Variants in GAS6 observed in about 807,000 individuals in gnomAD.
The protein encoded by GAS6 is growth arrest specific 6.
A neutral mutation model predicts 75.8 loss-of-function variants in GAS6; 41 were observed. The observed-to-expected ratio is 0.54, with a 90% CI of 0.42 to 0.70. The LOEUF (loss-of-function observed/expected upper bound fraction) is 0.70, where lower values mean the gene tolerates loss of function less well. Among genes scored for constraint, GAS6 ranks in the 30% least tolerant of loss-of-function variants. The pLI, the probability that GAS6 is intolerant of heterozygous loss-of-function variation, is 0.00. For synonymous variants in GAS6, 432 were observed against 412.6 expected, an observed-to-expected ratio of 1.05 and a Z score of -0.57; for missense variants, 854 against 940.2, an observed-to-expected ratio of 0.91 and a Z score of 1.20.
intron 3 of GAS6, chr13:113,846,847 AG>A: frequency 1.9e-6 from 1 of 531,324 alleles, no homozygotes; most frequent in Non-Finnish European, 3.5e-6. Context: ...CGCCGTTTCG[AG>A]GGGGCTCCTC....
intron 12 of GAS6, among the ~76,000 whole-genome samples, chr13:113,826,097 G>C (rs1594189461): frequency 6.6e-6 from 1 of 152,178 alleles, no homozygotes; most frequent in African/African-American, 2.4e-5. Context: ...TATCCTCACA[G>C]CAGCACCCCC....
At position 113,848,372 on chromosome 13, in the gene GAS6, G is replaced by A. The variant is rs1211973818; in HGVS notation, c.256-322C>T. Among the ~76,000 whole-genome samples the A allele has an allele frequency of 6.6e-6, 1 of 152,172 alleles. No homozygotes were observed. The highest frequency in any genetic ancestry group is 1.5e-5 in the Non-Finnish European group (1 of 68,032). On this transcript the variant is annotated intron_variant, in intron 2 of 14. Transcript: ENST00000327773. This position sits in a 1 kb window ranked among gnomAD's most constrained non-coding sequence, Gnocchi z 4.8. ...GGGTCTCTAAAACCCAAAGACCTTA[G>A]TTCCCTGTTGACACAAAGGTCTCTC...
chr13:113,827,123 C>G lies in GAS6; in HGVS notation c.1350G>C (p.Trp450Cys), dbSNP rs768887156. 6.2e-7 allele frequency: 1 copy of G among 1,613,510 alleles called. No homozygotes were observed. Among genetic ancestry groups the G allele is most frequent in the South Asian group, 1.1e-5 (1 of 91,046 alleles). ...RLDGCMRSWN[W>C]LNGEDTTIQE... is the part of the protein sequence containing the mutation. ...GGATGGTGGTGTCTTCTCCGTTCAG[C>G]CAGTTCCAGCTCCTCATGCAGCCAT... Residue 450 changes from tryptophan (W) to cysteine (C), a missense_variant, in exon 12 of 15, where the codon TGG becomes TGC. Coordinates refer to ENST00000327773, the MANE Select transcript of GAS6 (RefSeq NM_000820.4).
At chr13:113,831,163 G>A (rs1161248473) in intron 10 of GAS6, among the ~76,000 whole-genome samples, 2 of 152,246 alleles carry the variant, frequency 1.3e-5, no homozygotes, top group Non-Finnish European at 2.9e-5. Context: ...GGGTGGGCAC[G>A]TTTTACCGCT....
chr13:113,832,258 A>C, intron 10 of GAS6, 41 bp downstream of exon 10: 5 of 1,578,366 alleles, frequency 3.2e-6, no homozygotes, highest in Non-Finnish European at 4.3e-6. Flanking sequence ...GCTCAGGGAG[A>C]ACCCCGTGAG....
intron 4 of GAS6, chr13:113,842,025 C>CGCCTCAATTTCCTCTGTAT: frequency 7.4e-6 from 1 of 135,670 alleles, no homozygotes; most frequent in Non-Finnish European, 1.6e-5. Flanking sequence ...TTCCTCCATA[C>CGCCTCAATTTCCTCTGTAT]GCCCCAGTTT....
At position 113,827,034 on chromosome 13, in the gene GAS6, TAGAA is replaced by T; in HGVS notation, c.1435_1438del (p.Phe479ThrfsTer28). On this transcript the variant is annotated frameshift_variant, in exon 12 of 15. Coordinates refer to ENST00000327773, the MANE Select transcript of GAS6 (RefSeq NM_000820.4). ...GTAGAAGGCGAAGCCGCTCCCGGGG[TAGAA>T]AGAGCCTCTCTCCGTCACCGAGAAG... 1.2e-6 allele frequency: 2 copies of T among 1,613,020 alleles called. No individual in the cohort carries two copies. The highest frequency in any genetic ancestry group is 1.7e-6 in the Non-Finnish European group (2 of 1,179,884).
At chr13:113,833,590 C>T (rs1395205046) in intron 8 of GAS6, 2 of 1,020,002 alleles carry the variant, frequency 2.0e-6, no homozygotes, top group Non-Finnish European at 2.4e-6. Context: ...GTCAGTGTGA[C>T]AGGTCGGTGT....
chr13:113,823,528 C>G lies in GAS6; in HGVS notation c.1500G>C (p.Gly500=). 1 of 1,612,348 alleles carries G rather than the reference C, an allele frequency of 6.2e-7. No homozygotes were observed. ...CTTCTACTTCCCAGGTTGATTCAGT[C>G]CCGACGTCCAGAGGGGTCCGCACTG... is the stretch of plus-strand genomic sequence containing the variant. The part of the protein sequence containing the change: ...LDYMRTPLDV[G]TESTWEVEVV... The change falls in exon 13 of 15, where the codon GGG becomes GGC. Residue 500 remains glycine, a synonymous_variant. Transcript: ENST00000327773.
chr13:113,835,808 C>T, intron 6 of GAS6, 173 bp from the exon 7 acceptor site: 3 of 1,346,804 alleles, frequency 2.2e-6, no homozygotes, highest in East Asian at 3.1e-5. Flanking sequence ...GGGCAGCTCC[C>T]GGGGTGTTGG....
chr13:113,821,637 G>A (rs778685661), intron 14 of GAS6: 4 of 369,704 alleles, frequency 1.1e-5, no homozygotes, highest in Non-Finnish European at 2.0e-5. Flanking sequence ...AGCCTGGCCC[G>A]AGGTCTGCCC....
At chr13:113,847,111 T>G (rs758809577) in intron 3 of GAS6, 2 of 417,158 alleles carry the variant, frequency 4.8e-6, no homozygotes, top group South Asian at 3.4e-5. Context: ...CGTGAGGTTG[T>G]GCAGAACGGT....
At chr13:113,859,496 CTGTT>C (rs1321573807) in intron 2 of GAS6, among the ~76,000 whole-genome samples, 2 of 150,526 alleles carry the variant, frequency 1.3e-5, no homozygotes, top group African/African-American at 4.9e-5. Context: ...GTGTACATGT[CTGTT>C]AGTATGTGTG....
rs1171877057 is a variant in GAS6, at chr13:113,856,048, A to G, written c.255+7527T>C. On this transcript the variant is annotated intron_variant, in intron 2 of 14. Transcript: ENST00000327773. ...CCTTCCTCTGGCCTCACTGAGCAGC[A>G]ACACTCAAGTTCAAACACAAAACCA... Among the ~76,000 whole-genome samples, 5 of 152,198 alleles carry G rather than the reference A, an allele frequency of 3.3e-5. No homozygotes were observed. The South Asian group carries it at 1.0e-3, about 31-fold the overall frequency.
rs1437423511 is a variant in GAS6, at chr13:113,863,753, G to A, written c.89-12C>T. On this transcript the variant is annotated splice_polypyrimidine_tract_variant and intron_variant, in intron 1 of 14. Coordinates refer to ENST00000327773, the MANE Select transcript of GAS6 (RefSeq NM_000820.4). The surrounding 1 kb of genome is among the most constrained non-coding windows in gnomAD (Gnocchi z 9.4). ...CGGCAACAGCGCGGCTGCCCGGAGG[G>A]AGAGAGGGGGACGCGTCAAGCCGCG... is the stretch of plus-strand genomic sequence containing the variant. 2.7e-5 allele frequency: 40 copies of A among 1,481,704 alleles called. No homozygotes were observed. Among genetic ancestry groups the A allele is most frequent in the Non-Finnish European group, 3.6e-5 (40 of 1,122,808 alleles). 91.8% of individuals were successfully genotyped at this position (1,481,704 alleles called of 1,614,324 possible). A position where few individuals can be genotyped will look rare whatever the true frequency, so the allele number is the denominator to read the frequency against.
At chr13:113,846,940 C>T (rs1167828577) in intron 3 of GAS6, 1 of 465,692 alleles carries the variant, frequency 2.1e-6, no homozygotes, top group South Asian at 1.6e-5. Flanking sequence ...TCCAGTGGAC[C>T]CCCATTGGGA....
At chr13:113,862,766 G>T (rs1400537147) in intron 2 of GAS6, among the ~76,000 whole-genome samples, 1 of 152,208 alleles carries the variant, frequency 6.6e-6, no homozygotes, top group African/African-American at 2.4e-5. Context: ...TCCACCCCAG[G>T]AGAATTCTTT....
intron 11 of GAS6, among the ~76,000 whole-genome samples, chr13:113,828,222 C>A (rs571164260): frequency 1.2e-4 from 18 of 152,192 alleles, no homozygotes; most frequent in Non-Finnish European, 7.4e-5. Context: ...CGAGATCGCG[C>A]CACTGCACTC....
chr13:113,822,810 G>A (rs910565311), intron 13 of GAS6: 6 of 153,374 alleles, frequency 3.9e-5, no homozygotes, highest in South Asian at 4.1e-4. Context: ...GCACACGAGC[G>A]AGAGAATAAA....
Sources: gnomAD v4.1 joint callset for allele counts (sites outside exome capture counted in the v4.1 genomes callset) on GRCh38, gnomAD v4.1.1 for gene constraint, Gnocchi (gnomAD v3.1) non-coding constraint, MANE v1.5 for transcripts, NCBI Gene and HGNC (gene_info 2026-07-23, HGNC 2026-07-21) for gene names.